Variants in IL1RAPL2 observed in about 807,000 individuals in gnomAD.
IL1RAPL2 encodes the protein interleukin 1 receptor accessory protein like 2.
Under a neutral mutation model 44.1 loss-of-function variants are expected in IL1RAPL2, and 3 were observed. That is an observed-to-expected ratio of 0.07 (90% CI 0.03 to 0.18). The LOEUF (loss-of-function observed/expected upper bound fraction) is 0.18. IL1RAPL2 is among the 10% of genes least tolerant of loss of function. IL1RAPL2 has a pLI of 1.00. For synonymous variants in IL1RAPL2, 181 were observed against 178.8 expected, an observed-to-expected ratio of 1.01 and a Z score of -0.10; for missense variants, 391 against 496.4, an observed-to-expected ratio of 0.79 and a Z score of 2.02.
At chrX:105,589,749 G>A (rs1487974688) in intron 6 of IL1RAPL2, among the ~76,000 whole-genome samples, 2 of 110,926 alleles carry the variant, frequency 1.8e-5, no homozygotes, top group Admixed American at 1.9e-4. Context: ...GTCTGTTTTT[G>A]CACCTGTACC....
chrX:104,835,907 G>A (rs770340291), intron 2 of IL1RAPL2, among the ~76,000 whole-genome samples: 1 of 111,410 alleles, frequency 9.0e-6, no homozygotes, highest in Admixed American at 9.7e-5. Context: ...GTCATGCTTG[G>A]CCTGCTTGTG....
chrX:104,604,636 A>C (rs1367962734), intron 1 of IL1RAPL2, among the ~76,000 whole-genome samples: 1 of 100,322 alleles, frequency 1.0e-5, no homozygotes, highest in East Asian at 3.0e-4. Context: ...TGCATAGCAA[A>C]AAAAAAAAAA....
intron 3 of IL1RAPL2, among the ~76,000 whole-genome samples, chrX:105,216,634 C>T (rs189749610): frequency 1.2e-3 from 135 of 110,857 alleles, no homozygotes; most frequent in South Asian, 5.3e-3. Context: ...AAAAAGGGCC[C>T]GCATAGCCAA....
intron 1 of IL1RAPL2, among the ~76,000 whole-genome samples, chrX:104,638,694 T>C (rs1395956743): frequency 8.9e-6 from 1 of 112,351 alleles, no homozygotes; most frequent in African/African-American, 3.2e-5. Flanking sequence ...TGATTTCTGG[T>C]TTTATTCCAT....
chrX:105,030,616 G>C (rs2031472627), intron 2 of IL1RAPL2, among the ~76,000 whole-genome samples: 1 of 111,488 alleles, frequency 9.0e-6, no homozygotes. Context: ...TCTCTGTTTT[G>C]GTACCAGTAC....
chrX:105,541,307 T>C (rs1031968071), intron 6 of IL1RAPL2, among the ~76,000 whole-genome samples: 1 of 110,753 alleles, frequency 9.0e-6, no homozygotes, highest in Non-Finnish European at 1.9e-5. Flanking sequence ...CAGGAACATT[T>C]GATGGAAGAG....
At chrX:105,081,580 C>G (rs1255522275) in intron 2 of IL1RAPL2, among the ~76,000 whole-genome samples, 1 of 111,341 alleles carries the variant, frequency 9.0e-6, no homozygotes, top group Non-Finnish European at 1.9e-5. Flanking sequence ...AGCCCCAGCT[C>G]CTTGGTCCCA....
intron 2 of IL1RAPL2, among the ~76,000 whole-genome samples, chrX:104,761,978 CTT>C (rs1569309981): frequency 1.4e-4 from 13 of 95,993 alleles, no homozygotes; most frequent in East Asian, 3.2e-4. Context: ...TCTTCTTCTT[CTT>C]CTTCCTCCTC....
intron 2 of IL1RAPL2, among the ~76,000 whole-genome samples, chrX:105,128,901 G>A (rs2033001303): frequency 9.0e-6 from 1 of 111,472 alleles, no homozygotes. Flanking sequence ...CCATGGTGGA[G>A]TAGAAGTTTT....
chrX:104,650,505 G>C (rs899782177), intron 1 of IL1RAPL2, among the ~76,000 whole-genome samples: 5 of 110,957 alleles, frequency 4.5e-5, no homozygotes, highest in African/African-American at 1.6e-4. Flanking sequence ...TGATATTTCA[G>C]GCCGACTGAT....
At chrX:105,380,871 C>T (rs1279789243) in intron 5 of IL1RAPL2, among the ~76,000 whole-genome samples, 3 of 111,094 alleles carry the variant, frequency 2.7e-5, no homozygotes, top group Non-Finnish European at 5.7e-5. Context: ...TCTCTGGGTT[C>T]CATTTCACTC....
chrX:105,018,129 AAAATAC>A (rs755200563), intron 2 of IL1RAPL2, among the ~76,000 whole-genome samples: 9 of 111,697 alleles, frequency 8.1e-5, no homozygotes, highest in South Asian at 3.7e-4. Context: ...TGGAAGGGTT[AAAATAC>A]ATAGAGCTTT....
intron 2 of IL1RAPL2, among the ~76,000 whole-genome samples, chrX:105,076,307 A>C (rs1053020938): frequency 6.3e-5 from 7 of 111,661 alleles, no homozygotes; most frequent in Non-Finnish European, 1.3e-4. Context: ...TGTAGCCAGT[A>C]GTCATTCAGG....
chrX:104,620,913 T>C (rs1929382357), intron 1 of IL1RAPL2, among the ~76,000 whole-genome samples: 1 of 105,433 alleles, frequency 9.5e-6, no homozygotes, highest in African/African-American at 3.4e-5. Flanking sequence ...TTCTATATAA[T>C]ATATAAATTC....
At chrX:105,590,232 A>C (rs2037158372) in intron 6 of IL1RAPL2, among the ~76,000 whole-genome samples, 1 of 111,792 alleles carries the variant, frequency 8.9e-6, no homozygotes, top group Middle Eastern at 4.6e-3. Flanking sequence ...TAGTATCCTG[A>C]AACTTTGTTG....
chrX:104,870,101 T>C (rs1196803104), intron 2 of IL1RAPL2, among the ~76,000 whole-genome samples: 1 of 112,267 alleles, frequency 8.9e-6, no homozygotes, highest in Non-Finnish European at 1.9e-5. Context: ...TTACAATAGC[T>C]TATCTGAAGA....
intron 1 of IL1RAPL2, among the ~76,000 whole-genome samples, chrX:104,605,746 A>T: frequency 8.9e-6 from 1 of 112,244 alleles, no homozygotes; most frequent in Admixed American, 9.4e-5. Context: ...CTGGACACAT[A>T]CACCCTTCCA....
intron 2 of IL1RAPL2, among the ~76,000 whole-genome samples, chrX:104,872,378 C>G (rs1055109501): frequency 3.6e-5 from 4 of 111,648 alleles, no homozygotes; most frequent in Non-Finnish European, 3.8e-5. Context: ...TTCAATTTCA[C>G]TAAAACCCAT....
chrX:104,610,125 C>T (rs993615882), intron 1 of IL1RAPL2, among the ~76,000 whole-genome samples: 5 of 109,741 alleles, frequency 4.6e-5, no homozygotes, highest in East Asian at 2.9e-4. Context: ...ATTGATGGGA[C>T]GTATCTCAAA....
Sources: gnomAD v4.1 joint callset for allele counts (sites outside exome capture counted in the v4.1 genomes callset) on GRCh38, gnomAD v4.1.1 for gene constraint, MANE v1.5 for transcripts, NCBI Gene and HGNC (gene_info 2026-07-23, HGNC 2026-07-21) for gene names.